SLC4A10: variants seen among roughly 807,000 people sequenced by gnomAD.
SLC4A10 encodes the protein solute carrier family 4 member 10, also known as sodium-driven chloride bicarbonate exchanger.
A neutral mutation model predicts 137.7 loss-of-function variants in SLC4A10; 42 were observed. That is an observed-to-expected ratio of 0.30 (90% CI 0.24 to 0.39). The LOEUF (loss-of-function observed/expected upper bound fraction) is 0.39. Among genes scored for constraint, SLC4A10 ranks in the 10% least tolerant of loss-of-function variants. The pLI is 1.00. For missense variants in SLC4A10, 925 were observed against 1,355.0 expected (o/e 0.68, Z 4.98); for synonymous variants, 474 against 464.1 (o/e 1.02, Z -0.27).
At chr2:161,725,986 G>A (rs1334497007) in intron 1 of SLC4A10, among the ~76,000 whole-genome samples, 2 of 152,142 alleles carry the variant, frequency 1.3e-5, no homozygotes, top group East Asian at 1.9e-4. Context: ...TGAAATCTTA[G>A]AAAGCAAGTG....
chr2:161,731,487 T>C (rs1669680278), intron 1 of SLC4A10, among the ~76,000 whole-genome samples: 1 of 152,174 alleles, frequency 6.6e-6, no homozygotes, highest in African/African-American at 2.4e-5. Context: ...GGAGGAAGAA[T>C]TGTAGGGACA....
At chr2:161,682,362 A>G (rs1037851566) in intron 1 of SLC4A10, among the ~76,000 whole-genome samples, 1 of 152,150 alleles carries the variant, frequency 6.6e-6, no homozygotes, top group Non-Finnish European at 1.5e-5. Flanking sequence ...CAGTGAGTAT[A>G]CATTATGTTT....
chr2:161,652,926 C>T (rs952578130), intron 1 of SLC4A10, among the ~76,000 whole-genome samples: 1 of 151,768 alleles, frequency 6.6e-6, no homozygotes, highest in South Asian at 2.1e-4. Flanking sequence ...CAGGTATACA[C>T]GTGCCATGGT....
At chr2:161,711,727 G>T (rs2044309972) in intron 1 of SLC4A10, among the ~76,000 whole-genome samples, 1 of 151,776 alleles carries the variant, frequency 6.6e-6, no homozygotes, top group African/African-American at 2.4e-5. Flanking sequence ...GCTGCAGTAA[G>T]AGGCTTGTGC....
intron 15 of SLC4A10, among the ~76,000 whole-genome samples, chr2:161,922,042 G>C (rs1304295602): frequency 1.3e-5 from 2 of 152,138 alleles, no homozygotes; most frequent in Non-Finnish European, 2.9e-5. Context: ...CTTATAGTCT[G>C]TTGAAAGAAT....
intron 6 of SLC4A10, among the ~76,000 whole-genome samples, chr2:161,867,799 G>T (rs963414076): frequency 1.3e-5 from 2 of 151,722 alleles, no homozygotes; most frequent in Non-Finnish European, 3.0e-5. Flanking sequence ...TAAATGTATT[G>T]TTACACATGT....
intron 1 of SLC4A10, among the ~76,000 whole-genome samples, chr2:161,762,992 A>G (rs1199198033): frequency 2.0e-5 from 3 of 152,106 alleles, no homozygotes; most frequent in Non-Finnish European, 2.9e-5. Context: ...GAGAGACCAT[A>G]CATTCCTTGA....
chr2:161,879,434 A>G (rs924554108), intron 9 of SLC4A10, 146 bp downstream of exon 9: 18 of 828,146 alleles, frequency 2.2e-5, no homozygotes, highest in Admixed American at 3.3e-5. Flanking sequence ...TTGTTTGTGG[A>G]GGAGGGGAAA....
At chr2:161,695,643 T>C (rs1005180643) in intron 1 of SLC4A10, among the ~76,000 whole-genome samples, 5 of 152,188 alleles carry the variant, frequency 3.3e-5, no homozygotes, top group Non-Finnish European at 7.4e-5. Context: ...GTTATAATGA[T>C]CGTTGCACTT....
At chr2:161,868,801 T>C (rs1363448928) in intron 6 of SLC4A10, among the ~76,000 whole-genome samples, 2 of 151,708 alleles carry the variant, frequency 1.3e-5, no homozygotes, top group African/African-American at 2.4e-5. Flanking sequence ...CTTAGTGATA[T>C]CTACTTTTCA....
chr2:161,928,159 T>G (rs1165870679), intron 15 of SLC4A10, among the ~76,000 whole-genome samples: 7 of 149,424 alleles, frequency 4.7e-5, no homozygotes, highest in African/African-American at 1.2e-4. Flanking sequence ...TAAGAAAATG[T>G]GGCACATATA....
intron 6 of SLC4A10, 122 bp downstream of exon 6, chr2:161,863,184 G>A (rs1332084920): frequency 2.1e-6 from 2 of 968,178 alleles, no homozygotes; most frequent in Admixed American, 6.4e-5. Flanking sequence ...GATTATTGTA[G>A]AATTCTTTTC....
In SLC4A10 at chr2:161,848,919, G is replaced by T. The variant is rs189431772; in HGVS notation, c.417-6051G>T. Among the ~76,000 whole-genome samples, 87 of 152,016 alleles carry T rather than the reference G, an allele frequency of 5.7e-4. 1 individual carries two copies. The highest frequency in any genetic ancestry group is 2.0e-3 in the African/African-American group (82 of 41,492). ...ATTTTTTTCTAATTTTGAAAAATGT[G>T]CACTTTTTTCTAATTTTGTAAAAAT... On this transcript the variant is annotated intron_variant, in intron 4 of 26. Coordinates refer to ENST00000446997, the MANE Select transcript of SLC4A10 (RefSeq NM_001178015.2).
chr2:161,973,786 G>T (rs1304984523), intron 23 of SLC4A10, among the ~76,000 whole-genome samples: 1 of 152,130 alleles, frequency 6.6e-6, no homozygotes, highest in Non-Finnish European at 1.5e-5. Context: ...CAGAACTTCT[G>T]GGGGATATTG....
intron 1 of SLC4A10, among the ~76,000 whole-genome samples, chr2:161,654,341 C>T (rs560653562): frequency 5.3e-5 from 8 of 152,256 alleles, no homozygotes; most frequent in African/African-American, 1.9e-4. Context: ...CGTTTTCACT[C>T]TGTGGAGCCT....
At chr2:161,800,150 T>A (rs1449700663) in intron 2 of SLC4A10, among the ~76,000 whole-genome samples, 1 of 152,076 alleles carries the variant, frequency 6.6e-6, no homozygotes, top group Non-Finnish European at 1.5e-5. Flanking sequence ...CCACCTTTAA[T>A]CCAGATTTCA....
chr2:161,689,829 A>G (rs2041808728), intron 1 of SLC4A10, among the ~76,000 whole-genome samples: 1 of 152,168 alleles, frequency 6.6e-6, no homozygotes, highest in Admixed American at 6.5e-5. Context: ...CAAAACAAAT[A>G]TATCTTTTGA....
At chr2:161,875,024 C>A (rs1447342373) in intron 8 of SLC4A10, among the ~76,000 whole-genome samples, 1 of 152,174 alleles carries the variant, frequency 6.6e-6, no homozygotes, top group African/African-American at 2.4e-5. Context: ...TTGGTCTCCA[C>A]TGGGTCTTTA....
intron 20 of SLC4A10, among the ~76,000 whole-genome samples, chr2:161,957,974 A>G (rs912604478): frequency 6.6e-6 from 1 of 152,302 alleles, no homozygotes; most frequent in Non-Finnish European, 1.5e-5. Flanking sequence ...TCTCTGTTAT[A>G]TAAGTAATTA....
Sources: gnomAD v4.1 joint callset for allele counts (sites outside exome capture counted in the v4.1 genomes callset) on GRCh38, gnomAD v4.1.1 for gene constraint, MANE v1.5 for transcripts, NCBI Gene and HGNC (gene_info 2026-07-23, HGNC 2026-07-21) for gene names.